The following PTPN13 variants were observed in gnomAD, a reference collection of about 807,000 sequenced individuals.
PTPN13 encodes tyrosine-protein phosphatase non-receptor type 13.
Under a neutral mutation model 284.0 loss-of-function variants are expected in PTPN13, and 191 were observed. That is an observed-to-expected ratio of 0.67 (90% CI 0.60 to 0.76). The LOEUF (loss-of-function observed/expected upper bound fraction) is 0.76, where lower values mean the gene tolerates loss of function less well. PTPN13 is among the 30% of genes least tolerant of loss of function. The probability of loss-of-function intolerance (pLI) is 0.00; values close to 1 mark genes in which losing one functional copy is unlikely to be tolerated. For synonymous variants in PTPN13, 986 were observed against 1,022.3 expected (o/e 0.96, Z 0.68); for missense variants, 2,797 against 2,939.9 (o/e 0.95, Z 1.12).
chr4:86,731,496 G>A (rs371794107), intron 10 of PTPN13, among the ~76,000 whole-genome samples: 2 of 152,208 alleles, frequency 1.3e-5, no homozygotes, highest in African/African-American at 4.8e-5. Context: ...CAGAGACTAT[G>A]TGACTGATAC....
At chr4:86,743,835 T>C (rs1364893751) in intron 16 of PTPN13, among the ~76,000 whole-genome samples, 1 of 152,158 alleles carries the variant, frequency 6.6e-6, no homozygotes, top group African/African-American at 2.4e-5. Context: ...CATGACTATT[T>C]CCGTATTTGA....
rs201695866 is a variant in PTPN13 at position 86,784,469 on chromosome 4, C to G, written c.6029C>G (p.Ala2010Gly). The part of the protein sequence containing the change: ...LTPNDSFSTV[A>G]GEEINEISYP... Reference sequence around the variant, plus strand: ...TGCTTTGGTTTTATGCTTTAGGTTGCTGGGGAAGAAATAAATGAAATATCG... The same window carrying G: ...TGCTTTGGTTTTATGCTTTAGGTTGGTGGGGAAGAAATAAATGAAATATCG... The change falls in exon 38 of 48, where the codon GCT becomes GGT. Residue 2010 changes from alanine (A) to glycine (G), a missense_variant. Physicochemically the swap from Ala to Gly is moderately conservative, Grantham distance 60 (BLOSUM62 0). Transcript: ENST00000411767. 72 of 1,601,658 alleles carry G rather than the reference C, an allele frequency of 4.5e-5. 1 individual carries two copies. Among genetic ancestry groups the G allele is most frequent in the South Asian group, 1.8e-4 (16 of 88,730 alleles).
chr4:86,601,925 T>G (rs1764325653), intron 1 of PTPN13, among the ~76,000 whole-genome samples: 1 of 152,158 alleles, frequency 6.6e-6, no homozygotes, highest in Admixed American at 6.5e-5. Flanking sequence ...GCACTGGTGG[T>G]GCATAGAGAA....
At chr4:86,783,860 A>G (rs560825265) in intron 37 of PTPN13, among the ~76,000 whole-genome samples, 1 of 152,130 alleles carries the variant, frequency 6.6e-6, no homozygotes, top group East Asian at 1.9e-4. Flanking sequence ...ATTGCATTCA[A>G]AATTTACATT....
rs564892119 is a variant in PTPN13 at position 86,618,865 on chromosome 4, G to A, written c.-5-16387G>A. On this transcript the variant is annotated intron_variant, in intron 1 of 47. Transcript: ENST00000411767. ...GGTTTTCTAGGTATACAATCATGTC[G>A]TCTGCAAACAGGGACAATTTGACTT... 3.3e-3 allele frequency among the ~76,000 whole-genome samples: 498 copies of A among 152,190 alleles called. 1 individual carries two copies. The highest frequency in any genetic ancestry group is 0.011 in the African/African-American group (471 of 41,546).
At chr4:86,612,332 ATACAT>A (rs1719992037) in intron 1 of PTPN13, among the ~76,000 whole-genome samples, 1 of 152,232 alleles carries the variant, frequency 6.6e-6, no homozygotes, top group Admixed American at 6.5e-5. Context: ...TAGCAGATAA[ATACAT>A]TAAAAGTTTT....
chr4:86,651,017 GT>G (rs1300179766), intron 2 of PTPN13, among the ~76,000 whole-genome samples: 1 of 152,136 alleles, frequency 6.6e-6, no homozygotes, highest in African/African-American at 2.4e-5. Context: ...AAAGCTTTCA[GT>G]TTTTCCCCAT....
chr4:86,780,307 G>A (rs969163769), intron 35 of PTPN13, 95 bp from the exon 36 acceptor site: 3 of 959,510 alleles, frequency 3.1e-6, no homozygotes, highest in Middle Eastern at 2.1e-4. Flanking sequence ...GGCTGAGGTG[G>A]GAGCATTGCT....
intron 20 of PTPN13, among the ~76,000 whole-genome samples, chr4:86,756,404 T>C (rs1248806410): frequency 1.3e-5 from 2 of 152,128 alleles, no homozygotes; most frequent in Admixed American, 6.6e-5. Context: ...CATTAAATAA[T>C]GGATGGGCTT....
chr4:86,740,781 C>T (rs1736089038), intron 15 of PTPN13, among the ~76,000 whole-genome samples: 1 of 152,112 alleles, frequency 6.6e-6, no homozygotes, highest in Admixed American at 6.5e-5. Context: ...ACGCCTTTAA[C>T]AGCACCCAAG....
At chr4:86,603,707 A>G (rs1179571934) in intron 1 of PTPN13, among the ~76,000 whole-genome samples, 3 of 152,048 alleles carry the variant, frequency 2.0e-5, no homozygotes, top group Admixed American at 2.0e-4. Flanking sequence ...TATGTTTTAC[A>G]TGTCATTTTG....
chr4:86,797,952 T>C (rs1412445449), intron 41 of PTPN13, among the ~76,000 whole-genome samples: 6 of 152,148 alleles, frequency 3.9e-5, no homozygotes, highest in Admixed American at 6.6e-5. Flanking sequence ...ATATAAACTT[T>C]ATTAACATAA....
rs1400594547 is a variant in PTPN13 at position 86,745,135 on chromosome 4, A to C, written c.2650+7A>C. 6.3e-7 allele frequency: 1 copy of C among 1,599,762 alleles called. No homozygotes were observed. The stretch of plus-strand genomic sequence containing the variant: ...CAAGATGCCCAAGATATTGGTAAGG[A>C]GAAGCAGACTATTTCAGATGACTCC... On this transcript the variant is annotated splice_region_variant and intron_variant, in intron 17 of 47. Coordinates refer to ENST00000411767, the MANE Select transcript of PTPN13 (RefSeq NM_080683.3).
intron 2 of PTPN13, among the ~76,000 whole-genome samples, chr4:86,646,387 T>A (rs1346598187): frequency 7.6e-6 from 1 of 132,352 alleles, no homozygotes; most frequent in East Asian, 2.5e-4. Context: ...AACCTCCACA[T>A]CCCAGGTTCA....
At chr4:86,744,182 C>T (rs1736471155) in intron 16 of PTPN13, among the ~76,000 whole-genome samples, 1 of 152,078 alleles carries the variant, frequency 6.6e-6, no homozygotes, top group East Asian at 1.9e-4. Flanking sequence ...TTACCAGTAC[C>T]TTTCCATCTC....
At chr4:86,602,359 G>C (rs759063174) in intron 1 of PTPN13, among the ~76,000 whole-genome samples, 2 of 152,096 alleles carry the variant, frequency 1.3e-5, no homozygotes, top group African/African-American at 4.8e-5. Flanking sequence ...TACTTTATGG[G>C]ATTGTTGTGA....
intron 2 of PTPN13, among the ~76,000 whole-genome samples, chr4:86,657,855 C>T (rs1280466041): frequency 6.6e-6 from 1 of 152,176 alleles, no homozygotes; most frequent in Non-Finnish European, 1.5e-5. Context: ...CCTCTGTGCT[C>T]TTCCCACTCC....
rs1179293488 is a variant in PTPN13 at position 86,764,587 on chromosome 4, G to GT, written c.4018-4dup. On this transcript the variant is annotated splice_region_variant and splice_polypyrimidine_tract_variant and intron_variant, in intron 24 of 47. Transcript: ENST00000411767. ...AAGAAATCTTTGTTTGTTTTTCTTT[G>GT]TTAAGGAATCTTCCTCTTCAGTGAA... is the stretch of plus-strand genomic sequence containing the variant. The GT allele has an allele frequency of 4.1e-6, 6 of 1,456,556 alleles. No individual in the cohort carries two copies. The East Asian group carries it at 1.6e-4, about 38-fold the overall frequency. The allele number at this position is 1,456,556 out of a possible 1,614,324, so 90.2% of individuals were successfully genotyped here.
At chr4:86,742,211 C>T (rs73835762) in intron 16 of PTPN13, among the ~76,000 whole-genome samples, 1,932 of 152,242 alleles carry the variant, frequency 0.013, 44 homozygotes, top group African/African-American at 0.044. Context: ...TAAACCCCCT[C>T]GTAGCAACTG....
Sources: gnomAD v4.1 joint callset for allele counts (sites outside exome capture counted in the v4.1 genomes callset) on GRCh38, gnomAD v4.1.1 for gene constraint, MANE v1.5 for transcripts, NCBI Gene and HGNC (gene_info 2026-07-23, HGNC 2026-07-21) for gene names.